The following ZNF385D variants were observed in gnomAD, a reference collection of about 807,000 sequenced individuals.
The protein encoded by ZNF385D is zinc finger protein 385D, also known as zinc finger protein 659.
ZNF385D carries 15 observed loss-of-function variants against 35.8 expected under a neutral mutation model. That is an observed-to-expected ratio of 0.42 (90% CI 0.28 to 0.64). The LOEUF (loss-of-function observed/expected upper bound fraction) is 0.64, where lower values mean the gene tolerates loss of function less well. Ranked by LOEUF, ZNF385D falls within the 30% of genes least tolerant of loss-of-function variation. The pLI, the probability that ZNF385D is intolerant of heterozygous loss-of-function variation, is 0.23. For synonymous variants in ZNF385D, 212 were observed against 186.8 expected (o/e 1.13, Z -1.10); for missense variants, 474 against 494.6 (o/e 0.96, Z 0.39).
chr3:21,529,350 T>G (rs1052058128), intron 3 of ZNF385D, among the ~76,000 whole-genome samples: 1 of 152,176 alleles, frequency 6.6e-6, no homozygotes, highest in Non-Finnish European at 1.5e-5. Flanking sequence ...TGCAAATGAT[T>G]GATGAAAACT....
chr3:21,551,280 G>T (rs578261611), intron 3 of ZNF385D, among the ~76,000 whole-genome samples: 1 of 152,168 alleles, frequency 6.6e-6, no homozygotes, highest in African/African-American at 2.4e-5. Context: ...GCCCTCCCGT[G>T]ACCAGATGAA....
intron 3 of ZNF385D, among the ~76,000 whole-genome samples, chr3:21,857,038 G>T (rs1173901190): frequency 6.6e-6 from 1 of 152,004 alleles, no homozygotes; most frequent in African/African-American, 2.4e-5. Flanking sequence ...GCAATTTCTA[G>T]GTCCTTTCTC....
At chr3:22,309,374 A>G (rs907540796) in intron 2 of ZNF385D, among the ~76,000 whole-genome samples, 3 of 152,028 alleles carry the variant, frequency 2.0e-5, no homozygotes, top group Non-Finnish European at 4.4e-5. Context: ...GAAAGAAGAG[A>G]AGCAAGTATA....
At chr3:22,185,245 G>A (rs114183496) in intron 2 of ZNF385D, among the ~76,000 whole-genome samples, 261 of 152,232 alleles carry the variant, frequency 1.7e-3, no homozygotes, top group Non-Finnish European at 3.1e-3. Flanking sequence ...GAAATACTAA[G>A]AGAACATTTG....
intron 3 of ZNF385D, among the ~76,000 whole-genome samples, chr3:21,810,971 CGTGTGT>C (rs139624741): frequency 0.03 from 4,328 of 144,416 alleles, 92 homozygotes; most frequent in Middle Eastern, 0.079. Context: ...TGTGTGTATA[CGTGTGT>C]GTGTGTGTGT....
chr3:21,754,260 G>A (rs1163595100), upstream of ZNF385D, among the ~76,000 whole-genome samples: 3 of 152,122 alleles, frequency 2.0e-5, no homozygotes, highest in African/African-American at 7.2e-5. Flanking sequence ...GTGCCTGAGA[G>A]ATGCTTTCAT....
At chr3:21,694,641 C>T (rs765739686) in intron 1 of ZNF385D, among the ~76,000 whole-genome samples, 5 of 152,140 alleles carry the variant, frequency 3.3e-5, no homozygotes, top group Non-Finnish European at 7.3e-5. Flanking sequence ...TAATCCCCTG[C>T]TTGGCAACTT....
At chr3:21,484,396 C>T (rs1195802089) in intron 4 of ZNF385D, among the ~76,000 whole-genome samples, 3 of 152,200 alleles carry the variant, frequency 2.0e-5, no homozygotes, top group Admixed American at 1.3e-4. Flanking sequence ...CCATGCACTG[C>T]ACAAGCTGGG....
At chr3:21,827,725 A>C (rs968777384) in intron 3 of ZNF385D, among the ~76,000 whole-genome samples, 13 of 152,242 alleles carry the variant, frequency 8.5e-5, no homozygotes, top group African/African-American at 3.1e-4. Context: ...TATTACAAAA[A>C]GAGTAATTCT....
Position 21,647,237 on chromosome 3 carries a change from T to C in ZNF385D, c.165+17649A>G, listed in dbSNP as rs6797953. ...AACAAAATCTCATATGAGAGTTTCC[T>C]TGTTGTCTTATTGTAAATTATTCCA... On this transcript the variant is annotated intron_variant, in intron 2 of 7. Coordinates refer to ENST00000281523, the MANE Select transcript of ZNF385D (RefSeq NM_024697.3). Among the ~76,000 whole-genome samples the C allele has an allele frequency of 5.7e-3, 871 of 152,308 alleles. 4 individuals carry two copies. Among genetic ancestry groups the C allele is most frequent in the African/African-American group, 0.02 (837 of 41,556 alleles).
chr3:22,076,147 C>G (rs944158366), intron 3 of ZNF385D, among the ~76,000 whole-genome samples: 1 of 151,932 alleles, frequency 6.6e-6, no homozygotes, highest in Non-Finnish European at 1.5e-5. Context: ...CCATTTTCCA[C>G]TGAACTTCCA....
intron 3 of ZNF385D, among the ~76,000 whole-genome samples, chr3:21,769,198 A>G (rs1440471039): frequency 6.6e-6 from 1 of 151,808 alleles, no homozygotes; most frequent in African/African-American, 2.4e-5. Context: ...CTCTCTCTCC[A>G]CTCCTATTCA....
intron 3 of ZNF385D, among the ~76,000 whole-genome samples, chr3:21,834,652 G>A (rs931942840): frequency 6.6e-6 from 1 of 152,142 alleles, no homozygotes; most frequent in African/African-American, 2.4e-5. Flanking sequence ...CATCTTTTCT[G>A]TTACTTAACG....
At chr3:21,421,749 G>A (rs1700749868) in intron 7 of ZNF385D, among the ~76,000 whole-genome samples, 1 of 152,156 alleles carries the variant, frequency 6.6e-6, no homozygotes, top group South Asian at 2.1e-4. Flanking sequence ...TATTCATCAT[G>A]AGAAAATATA....
intron 3 of ZNF385D, among the ~76,000 whole-genome samples, chr3:21,543,937 A>G (rs1460849531): frequency 1.3e-5 from 2 of 152,048 alleles, no homozygotes; most frequent in South Asian, 4.1e-4. Context: ...TTCTGGTTTG[A>G]TATCTGCATG....
At chr3:21,737,505 T>TA in intron 1 of ZNF385D, among the ~76,000 whole-genome samples, 1 of 151,760 alleles carries the variant, frequency 6.6e-6, no homozygotes, top group Non-Finnish European at 1.5e-5. Context: ...ATAAGATAGA[T>TA]AGATACGTAT....
At chr3:21,581,647 T>C (rs967635016) in intron 2 of ZNF385D, among the ~76,000 whole-genome samples, 1 of 152,204 alleles carries the variant, frequency 6.6e-6, no homozygotes, top group Non-Finnish European at 1.5e-5. Context: ...TGAAGCCACA[T>C]TGTTCAACTT....
intron 2 of ZNF385D, among the ~76,000 whole-genome samples, chr3:22,364,235 C>T (rs1696548691): frequency 6.6e-6 from 1 of 151,734 alleles, no homozygotes; most frequent in Non-Finnish European, 1.5e-5. Flanking sequence ...AAGGCACTTG[C>T]AACAATGACA....
At chr3:22,034,680 G>C (rs1050747343) in intron 3 of ZNF385D, among the ~76,000 whole-genome samples, 1 of 152,022 alleles carries the variant, frequency 6.6e-6, no homozygotes, top group African/African-American at 2.4e-5. Context: ...ATACAATCCA[G>C]TTTTCTTACA....
Sources: gnomAD v4.1 joint callset for allele counts (sites outside exome capture counted in the v4.1 genomes callset) on GRCh38, gnomAD v4.1.1 for gene constraint, MANE v1.5 for transcripts, NCBI Gene and HGNC (gene_info 2026-07-23, HGNC 2026-07-21) for gene names.